Variants in PTPRN2 observed in about 807,000 individuals in gnomAD.
PTPRN2 encodes the protein protein tyrosine phosphatase receptor type N2.
Under a neutral mutation model 118.8 loss-of-function variants are expected in PTPRN2, and 74 were observed. That is an observed-to-expected ratio of 0.62 (90% CI 0.52 to 0.76). The LOEUF (loss-of-function observed/expected upper bound fraction) is 0.76, where lower values mean the gene tolerates loss of function less well. Among genes scored for constraint, PTPRN2 ranks in the 30% least tolerant of loss-of-function variants. The pLI, the probability that PTPRN2 is intolerant of heterozygous loss-of-function variation, is 0.00. For synonymous variants in PTPRN2, 641 were observed against 608.0 expected (o/e 1.05, Z -0.80); for missense variants, 1,481 against 1,394.4 (o/e 1.06, Z -0.99).
chr7:158,457,612 C>T (rs548452856), intron 2 of PTPRN2, among the ~76,000 whole-genome samples: 1 of 96,358 alleles, frequency 1.0e-5, no homozygotes, highest in Non-Finnish European at 2.2e-5. Context: ...GGGACCACAG[C>T]GGATGCGCGG....
intron 11 of PTPRN2, among the ~76,000 whole-genome samples, chr7:157,984,292 T>G (rs1303184201): frequency 4.6e-5 from 1 of 21,878 alleles, no homozygotes; most frequent in Non-Finnish European, 8.4e-5. Flanking sequence ...CTCCACCCCA[T>G]CCCACGCCAG....
intron 14 of PTPRN2, among the ~76,000 whole-genome samples, chr7:157,645,417 G>A (rs181279671): frequency 5.8e-4 from 88 of 152,310 alleles, no homozygotes; most frequent in Middle Eastern, 3.4e-3. Flanking sequence ...CTAGGGGGAC[G>A]CCATCTTGGC....
chr7:157,651,555 G>C (rs1805663223), intron 14 of PTPRN2, among the ~76,000 whole-genome samples: 1 of 152,142 alleles, frequency 6.6e-6, no homozygotes, highest in African/African-American at 2.4e-5. Context: ...GCCGACTCAG[G>C]CGTAATTAGT....
chr7:158,080,853 C>CCGCAGT (rs1812767726), intron 11 of PTPRN2, among the ~76,000 whole-genome samples: 1 of 152,210 alleles, frequency 6.6e-6, no homozygotes, highest in Non-Finnish European at 1.5e-5. Context: ...TCTCTGCCCA[C>CCGCAGT]CGCAGTCGGG....
Position 158,526,465 on chromosome 7 carries a change from C to T in PTPRN2, c.113-36680G>A, listed in dbSNP as rs770423186. Among the ~76,000 whole-genome samples the T allele has an allele frequency of 1.6e-4, 25 of 152,298 alleles. No individual in the cohort carries two copies. Among genetic ancestry groups the T allele is most frequent in the Middle Eastern group, 3.4e-3 (1 of 294 alleles). On this transcript the variant is annotated intron_variant, in intron 1 of 22. Coordinates refer to ENST00000389418, the MANE Select transcript of PTPRN2 (RefSeq NM_002847.5). This position sits in a 1 kb window ranked among gnomAD's most constrained non-coding sequence, Gnocchi z 5.2. ...GGTCTGGAGGTCTCTCCGCTGGTCA[C>T]GGCCTCGGAATTCCGACATGCTGGA...
intron 2 of PTPRN2, among the ~76,000 whole-genome samples, chr7:158,360,679 A>T (rs376130126): frequency 5.3e-4 from 1 of 1,888 alleles, no homozygotes. Context: ...ACATCCACCC[A>T]CACCCAGGAT....
intron 21 of PTPRN2, among the ~76,000 whole-genome samples, chr7:157,564,415 A>G (rs1258293843): frequency 6.6e-6 from 1 of 152,252 alleles, no homozygotes; most frequent in Admixed American, 6.5e-5. Flanking sequence ...CACAAGAAAA[A>G]TATTTTTTAA....
At chr7:158,136,725 C>T (rs747238414) in intron 7 of PTPRN2, 30 bp from the exon 8 acceptor site, 24 of 1,610,750 alleles carry the variant, frequency 1.5e-5, no homozygotes, top group Non-Finnish European at 2.0e-5. Context: ...TACCAAGACC[C>T]TCATCAAGAA....
intron 3 of PTPRN2, among the ~76,000 whole-genome samples, chr7:158,233,699 C>A (rs1344533023): frequency 6.6e-6 from 1 of 152,186 alleles, no homozygotes; most frequent in Non-Finnish European, 1.5e-5. Context: ...ATGGAGGTCT[C>A]ATATGACCTG....
intron 12 of PTPRN2, among the ~76,000 whole-genome samples, chr7:157,760,321 GC>G (rs1487605918): frequency 6.6e-6 from 1 of 151,772 alleles, no homozygotes; most frequent in African/African-American, 2.4e-5. Context: ...TTTGTGCTTT[GC>G]AGAGAAGTGA....
intron 14 of PTPRN2, among the ~76,000 whole-genome samples, chr7:157,626,588 G>C (rs1337363699): frequency 1.3e-5 from 2 of 151,996 alleles, no homozygotes; most frequent in Non-Finnish European, 2.9e-5. Context: ...ATACGTCTCT[G>C]TGGCATTCGT....
chr7:158,340,426 C>G (rs1472512467), intron 2 of PTPRN2, among the ~76,000 whole-genome samples: 4 of 56,730 alleles, frequency 7.1e-5, no homozygotes, highest in Non-Finnish European at 1.6e-4. Context: ...CTCACACACA[C>G]ACTCTCACCG....
chr7:158,157,408 T>G (rs1190734004), intron 6 of PTPRN2, among the ~76,000 whole-genome samples: 1 of 152,240 alleles, frequency 6.6e-6, no homozygotes. Flanking sequence ...CTCAGAGGTG[T>G]TTAAGCAGAG....
At position 157,930,415 on chromosome 7, in the gene PTPRN2, TAG is replaced by T. The variant is rs144381809; in HGVS notation, c.1724-31680_1724-31679del. ...TTCAGGGTCTCTCAGCTGCTGCTTT[TAG>T]CTCCTTTGTGGGGTGCAATCATTTC... is the stretch of plus-strand genomic sequence containing the variant. On this transcript the variant is annotated intron_variant, in intron 11 of 22. Transcript: ENST00000389418. Among the ~76,000 whole-genome samples the T allele has an allele frequency of 3.6e-3, 546 of 152,350 alleles. 3 individuals carry two copies. Among genetic ancestry groups the T allele is most frequent in the African/African-American group, 0.012 (513 of 41,584 alleles).
At chr7:158,168,301 C>G (rs182087189) in intron 5 of PTPRN2, among the ~76,000 whole-genome samples, 1 of 152,318 alleles carries the variant, frequency 6.6e-6, no homozygotes, top group East Asian at 1.9e-4. Context: ...CACGGCAGCT[C>G]GGAGTTACTG....
chr7:158,309,231 C>T (rs1251339062), intron 3 of PTPRN2, among the ~76,000 whole-genome samples: 2 of 152,254 alleles, frequency 1.3e-5, no homozygotes, highest in African/African-American at 2.4e-5. Flanking sequence ...ACATTTGAGT[C>T]AGTGGACTGG....
In PTPRN2 at chr7:157,980,957, A is replaced by AGCCCC. The variant is rs1268564052; in HGVS notation, c.1724-82221_1724-82220insGGGGC. ...AGGGATAAGTAGCCAGTTCCCACCA[A>AGCCCC]ACCCCGCCTCCCACACGGGCTCTGG... On this transcript the variant is annotated intron_variant, in intron 11 of 22. Coordinates refer to ENST00000389418, the MANE Select transcript of PTPRN2 (RefSeq NM_002847.5). 9.9e-5 allele frequency among the ~76,000 whole-genome samples: 15 copies of AGCCCC among 151,808 alleles called. 1 individual carries two copies. The highest frequency in any genetic ancestry group is 3.6e-4 in the African/African-American group (15 of 41,330).
intron 21 of PTPRN2, among the ~76,000 whole-genome samples, chr7:157,561,951 C>T (rs901377531): frequency 1.3e-5 from 2 of 152,220 alleles, no homozygotes; most frequent in African/African-American, 2.4e-5. Flanking sequence ...GCTGGAGCCA[C>T]ACTTTCACGG....
intron 2 of PTPRN2, among the ~76,000 whole-genome samples, chr7:158,364,315 G>A (rs538132666): frequency 1.2e-3 from 172 of 146,614 alleles, no homozygotes; most frequent in Admixed American, 3.1e-3. Context: ...AGGGTCTGCA[G>A]AGCCCCCATC....
Sources: allele counts gnomAD v4.1 joint callset (sites outside exome capture counted in the v4.1 genomes callset), GRCh38; gene constraint gnomAD v4.1.1; non-coding constraint Gnocchi (gnomAD v3.1); transcripts MANE v1.5; gene names NCBI Gene and HGNC (gene_info 2026-07-23, HGNC 2026-07-21).